The following UBE3C variants were observed in gnomAD, a reference collection of about 807,000 sequenced individuals.
UBE3C encodes the protein ubiquitin protein ligase E3C.
In UBE3C, 42 loss-of-function variants were observed where a neutral mutation model predicts 129.4. That is an observed-to-expected ratio of 0.32 (90% CI 0.25 to 0.42). The LOEUF (loss-of-function observed/expected upper bound fraction) is 0.42, where lower values mean the gene tolerates loss of function less well. UBE3C is among the 10% of genes least tolerant of loss of function. The probability of loss-of-function intolerance (pLI) is 1.00; values close to 1 mark genes in which losing one functional copy is unlikely to be tolerated. For synonymous variants in UBE3C, 510 were observed against 492.4 expected (o/e 1.04, Z -0.47); for missense variants, 1,049 against 1,319.1 (o/e 0.80, Z 3.17).
chr7:157,224,187 T>G (rs922012274), intron 16 of UBE3C, among the ~76,000 whole-genome samples: 7 of 151,910 alleles, frequency 4.6e-5, no homozygotes, highest in Middle Eastern at 3.2e-3. Flanking sequence ...AAACACTACT[T>G]TATTTTTTTT....
At chr7:157,169,853 T>C (rs111303657) in intron 3 of UBE3C, among the ~76,000 whole-genome samples, 1,802 of 152,184 alleles carry the variant, frequency 0.012, 27 homozygotes, top group South Asian at 0.047. Flanking sequence ...GCTAAATGTT[T>C]TTGTATTTTT....
At chr7:157,169,614 G>T (rs1270330767) in intron 3 of UBE3C, among the ~76,000 whole-genome samples, 1 of 152,106 alleles carries the variant, frequency 6.6e-6, no homozygotes, top group Admixed American at 6.5e-5. Flanking sequence ...GACCTCAAAT[G>T]ATTCGCCTGC....
chr7:157,190,977 GCT>G (rs1808948035), intron 10 of UBE3C, among the ~76,000 whole-genome samples: 2 of 152,098 alleles, frequency 1.3e-5, no homozygotes, highest in South Asian at 4.1e-4. Context: ...CAGGGGCTTG[GCT>G]CTTTTACCCC....
intron 18 of UBE3C, among the ~76,000 whole-genome samples, chr7:157,245,089 A>G (rs566586790): frequency 2.0e-5 from 3 of 152,350 alleles, no homozygotes; most frequent in African/African-American, 4.8e-5. Flanking sequence ...AGCTGATGCA[A>G]TCATAGTTTT....
chr7:157,248,258 A>G, intron 18 of UBE3C, 110 bp from the exon 19 acceptor site: 2 of 1,004,574 alleles, frequency 2.0e-6, no homozygotes, highest in South Asian at 3.2e-5. Flanking sequence ...TATGAGGAGA[A>G]AATACCTGCT....
intron 11 of UBE3C, among the ~76,000 whole-genome samples, chr7:157,206,331 C>T (rs1178618134): frequency 2.0e-5 from 3 of 152,196 alleles, no homozygotes; most frequent in Admixed American, 6.5e-5. Flanking sequence ...GGCACGATCT[C>T]GGCTCACTGC....
chr7:157,172,146 C>G lies in UBE3C; in HGVS notation c.342+1696C>G, dbSNP rs573211153. Among the ~76,000 whole-genome samples, 4 of 152,046 alleles carry G rather than the reference C, an allele frequency of 2.6e-5. No individual in the cohort carries two copies. In the South Asian group the frequency reaches 8.3e-4, roughly 32 times the overall value. On this transcript the variant is annotated intron_variant, in intron 4 of 22. Coordinates refer to ENST00000348165, the MANE Select transcript of UBE3C (RefSeq NM_014671.3). Reference sequence around the variant, plus strand: ...TCCTGGGTTCAAGCGATTCTCCTACCTGAGCGCCCTGAGTAACTGGGGTTA... The same window carrying G: ...TCCTGGGTTCAAGCGATTCTCCTACGTGAGCGCCCTGAGTAACTGGGGTTA...
intron 1 of UBE3C, 66 bp downstream of exon 1, chr7:157,139,404 C>CTCGGGGTTGGAT (rs1464864054): frequency 6.9e-7 from 1 of 1,442,084 alleles, no homozygotes; most frequent in Admixed American, 2.4e-5. Context: ...GGGGCTGGGA[C>CTCGGGGTTGGAT]TCGGGGCTGG....
chr7:157,243,838 A>T (rs192406151), intron 18 of UBE3C, among the ~76,000 whole-genome samples: 49 of 152,364 alleles, frequency 3.2e-4, no homozygotes, highest in African/African-American at 1.1e-3. Context: ...TGAATGCAGA[A>T]TTCCAGTATG....
At chr7:157,151,815 A>G (rs1176071484) in intron 1 of UBE3C, among the ~76,000 whole-genome samples, 7 of 152,194 alleles carry the variant, frequency 4.6e-5, no homozygotes, top group African/African-American at 1.7e-4. Context: ...TCACCATGAC[A>G]ACCGTGGAGC....
intron 13 of UBE3C, among the ~76,000 whole-genome samples, chr7:157,216,128 A>G (rs994012263): frequency 3.3e-5 from 5 of 152,328 alleles, no homozygotes; most frequent in African/African-American, 1.2e-4. Context: ...AAGATCACAG[A>G]TCTGACTCCA....
At chr7:157,217,885 G>A (rs1461826973) in intron 14 of UBE3C, among the ~76,000 whole-genome samples, 1 of 151,742 alleles carries the variant, frequency 6.6e-6, no homozygotes, top group African/African-American at 2.4e-5. Flanking sequence ...AGCCGGGCAT[G>A]GTAAGTGTCC....
chr7:157,220,533 A>T, intron 14 of UBE3C, 156 bp from the exon 15 acceptor site: 1 of 649,516 alleles, frequency 1.5e-6, no homozygotes, highest in Non-Finnish European at 2.5e-6. Flanking sequence ...AGAGGACCTG[A>T]AAAGGTAAAG....
chr7:157,256,929 A>T lies in UBE3C; in HGVS notation c.2966A>T (p.Asp989Val). The change falls in exon 22 of 23, where the codon GAC becomes GTC. Residue 989 changes from aspartate to valine, a missense_variant. Coordinates refer to ENST00000348165, the MANE Select transcript of UBE3C (RefSeq NM_014671.3). Reference sequence around the variant, plus strand: ...TTTGCCATAGGAGGCTATTCTGCAGACCATCCTGTTATTAAGGTCTTCTGG... The same window carrying T: ...TTTGCCATAGGAGGCTATTCTGCAGTCCATCCTGTTATTAAGGTCTTCTGG... ...FTNYSGGYSA[D>V]HPVIKVFWRV... 6.2e-7 allele frequency: 1 copy of T among 1,614,146 alleles called. No individual in the cohort carries two copies. Among genetic ancestry groups the T allele is most frequent in the Non-Finnish European group, 8.5e-7 (1 of 1,180,012 alleles).
rs1020616189 is a variant in UBE3C, at chr7:157,198,096, G to A, written c.1332-3625G>A. The A allele has an allele frequency of 6.8e-6, 11 of 1,612,168 alleles. No individual in the cohort carries two copies. In the African/African-American group the frequency reaches 1.3e-4, roughly 20 times the overall value. ...AACAAACTCCAGAAATTGAGCATTT[G>A]TTGGTTCATTGTAAGGTCTCAATTC... On this transcript the variant is annotated intron_variant, in intron 10 of 22. Transcript: ENST00000348165.
chr7:157,248,675 C>T (rs1053323824), intron 19 of UBE3C, 95 bp downstream of exon 19: 23 of 1,340,616 alleles, frequency 1.7e-5, no homozygotes, highest in Middle Eastern at 5.3e-4. Context: ...GTTTGACTTC[C>T]GCACATTTTA....
chr7:157,265,580 C>T (rs139900616), intron 22 of UBE3C, among the ~76,000 whole-genome samples: 23 of 152,292 alleles, frequency 1.5e-4, no homozygotes, highest in African/African-American at 2.6e-4. Context: ...CCCAGCAACA[C>T]GTCGTGCCGC....
At chr7:157,166,962 C>G (rs1006994007) in intron 2 of UBE3C, among the ~76,000 whole-genome samples, 3 of 151,434 alleles carry the variant, frequency 2.0e-5, no homozygotes, top group African/African-American at 7.3e-5. Context: ...CAAAGTCTTG[C>G]TCTGTCACCC....
chr7:157,156,300 CTTT>C (rs1173730075), intron 1 of UBE3C, among the ~76,000 whole-genome samples: 41 of 85,874 alleles, frequency 4.8e-4, no homozygotes, highest in African/African-American at 1.7e-3. Context: ...ACCCCCAGTT[CTTT>C]TTTTTTTTTT....
Sources: gnomAD v4.1 joint callset for allele counts (sites outside exome capture counted in the v4.1 genomes callset) on GRCh38, gnomAD v4.1.1 for gene constraint, MANE v1.5 for transcripts, NCBI Gene and HGNC (gene_info 2026-07-23, HGNC 2026-07-21) for gene names.